Variants in UBE2E2 observed in about 807,000 individuals in gnomAD.
UBE2E2 encodes ubiquitin-conjugating enzyme E2 E2.
Under a neutral mutation model 24.7 loss-of-function variants are expected in UBE2E2, and 6 were observed. That is an observed-to-expected ratio of 0.24 (90% CI 0.13 to 0.48). UBE2E2 has a LOEUF of 0.48. UBE2E2 is among the 20% of genes least tolerant of loss of function. The probability of loss-of-function intolerance (pLI) is 0.99; values close to 1 mark genes in which losing one functional copy is unlikely to be tolerated. For synonymous variants in UBE2E2, 104 were observed against 83.6 expected (o/e 1.24, Z -1.33); for missense variants, 169 against 245.0 (o/e 0.69, Z 2.07).
chr3:23,555,900 G>C (rs1695767647), intron 5 of UBE2E2, among the ~76,000 whole-genome samples: 1 of 152,078 alleles, frequency 6.6e-6, no homozygotes, highest in Admixed American at 6.6e-5. Context: ...AAAGATGTAG[G>C]TCAAAGGATA....
intron 3 of UBE2E2, among the ~76,000 whole-genome samples, chr3:23,468,939 T>A (rs1698977764): frequency 6.6e-6 from 1 of 152,354 alleles, no homozygotes; most frequent in South Asian, 2.1e-4. Context: ...AAAAAAACTC[T>A]GTGGATCTTA....
intron 4 of UBE2E2, among the ~76,000 whole-genome samples, chr3:23,532,239 G>T (rs1695140374): frequency 6.6e-6 from 1 of 152,052 alleles, no homozygotes; most frequent in African/African-American, 2.4e-5. Flanking sequence ...TTCTCCCCAT[G>T]AACATTCCTG....
intron 3 of UBE2E2, among the ~76,000 whole-genome samples, chr3:23,448,181 A>C (rs1481537220): frequency 6.6e-6 from 1 of 152,102 alleles, no homozygotes; most frequent in Non-Finnish European, 1.5e-5. Flanking sequence ...ATTTTGACTG[A>C]GTCTGTCGAG....
At chr3:23,319,482 A>G (rs1694683942) in intron 3 of UBE2E2, among the ~76,000 whole-genome samples, 1 of 152,056 alleles carries the variant, frequency 6.6e-6, no homozygotes, top group African/African-American at 2.4e-5. Flanking sequence ...TACTATTCTG[A>G]TTTCTTTTAT....
chr3:23,462,578 C>A (rs1191497508), intron 3 of UBE2E2, among the ~76,000 whole-genome samples: 1 of 152,108 alleles, frequency 6.6e-6, no homozygotes, highest in African/African-American at 2.4e-5. Flanking sequence ...AGGCACCAGT[C>A]TAGGCAGACA....
chr3:23,484,273 C>G (rs1055974081), intron 3 of UBE2E2, among the ~76,000 whole-genome samples: 6 of 152,308 alleles, frequency 3.9e-5, no homozygotes, highest in South Asian at 2.1e-4. Context: ...TTTTATGAAG[C>G]CTTTCCCTGG....
chr3:23,237,187 T>G (rs1697135030), intron 3 of UBE2E2, among the ~76,000 whole-genome samples: 1 of 152,180 alleles, frequency 6.6e-6, no homozygotes, highest in Non-Finnish European at 1.5e-5. Context: ...GCCTGGCATA[T>G]AAGGGCTCAA....
chr3:23,340,518 A>G (rs1208875531), intron 3 of UBE2E2, among the ~76,000 whole-genome samples: 1 of 151,882 alleles, frequency 6.6e-6, no homozygotes, highest in Non-Finnish European at 1.5e-5. Context: ...GTGCTTAACT[A>G]CACTAAAATA....
intron 3 of UBE2E2, among the ~76,000 whole-genome samples, chr3:23,241,085 C>T (rs1697248158): frequency 1.3e-5 from 2 of 152,174 alleles, no homozygotes; most frequent in African/African-American, 4.8e-5. Flanking sequence ...GCTTCCCCTC[C>T]CAAATCTGCT....
At chr3:23,264,703 T>G (rs1697996792) in intron 3 of UBE2E2, among the ~76,000 whole-genome samples, 2 of 152,232 alleles carry the variant, frequency 1.3e-5, no homozygotes, top group Non-Finnish European at 1.5e-5. Flanking sequence ...GGATGGCCTG[T>G]ACATTTGCCA....
chr3:23,329,624 C>T (rs1452609094), intron 3 of UBE2E2, among the ~76,000 whole-genome samples: 2 of 152,238 alleles, frequency 1.3e-5, no homozygotes, highest in Non-Finnish European at 2.9e-5. Context: ...GAGCCGGTGG[C>T]TCAGACTGGC....
intron 5 of UBE2E2, among the ~76,000 whole-genome samples, chr3:23,563,873 G>A (rs988314983): frequency 1.8e-4 from 28 of 151,968 alleles, no homozygotes; most frequent in African/African-American, 6.8e-4. Context: ...GCCTAAGACA[G>A]TATAGCATGT....
At chr3:23,316,761 C>G (rs1216795186) in intron 3 of UBE2E2, among the ~76,000 whole-genome samples, 21 of 152,064 alleles carry the variant, frequency 1.4e-4, no homozygotes, top group Admixed American at 1.4e-3. Context: ...ACGGCATGTA[C>G]TACCTTGGCT....
intron 3 of UBE2E2, among the ~76,000 whole-genome samples, chr3:23,229,976 C>T (rs978056095): frequency 1.1e-4 from 16 of 152,014 alleles, no homozygotes; most frequent in African/African-American, 3.9e-4. Flanking sequence ...GAGTAAACTA[C>T]GAGGTCATTT....
At chr3:23,244,430 T>A (rs2125340549) in intron 3 of UBE2E2, among the ~76,000 whole-genome samples, 1 of 152,300 alleles carries the variant, frequency 6.6e-6, no homozygotes, top group Non-Finnish European at 1.5e-5. Flanking sequence ...TTTTCTGTAT[T>A]TGTGTGCTTT....
At chr3:23,389,163 A>T (rs1390858483) in intron 3 of UBE2E2, among the ~76,000 whole-genome samples, 1 of 152,178 alleles carries the variant, frequency 6.6e-6, no homozygotes, top group African/African-American at 2.4e-5. Context: ...ACAATAATCT[A>T]TGTTTTTTTG....
intron 3 of UBE2E2, among the ~76,000 whole-genome samples, chr3:23,221,362 G>A (rs963820175): frequency 7.2e-5 from 11 of 151,996 alleles, no homozygotes; most frequent in Admixed American, 2.6e-4. Context: ...GTATAGTCTC[G>A]GAGTTTTGTA....
At chr3:23,486,986 C>T (rs1354280057) in intron 3 of UBE2E2, among the ~76,000 whole-genome samples, 1 of 152,220 alleles carries the variant, frequency 6.6e-6, no homozygotes, top group African/African-American at 2.4e-5. Context: ...ACCTGTCTGC[C>T]TCCCACCACC....
At chr3:23,438,772 C>T (rs1462720349) in intron 3 of UBE2E2, among the ~76,000 whole-genome samples, 1 of 152,148 alleles carries the variant, frequency 6.6e-6, no homozygotes, top group Non-Finnish European at 1.5e-5. Context: ...AGAAACTTAA[C>T]ATAGTTCATA....
Sources: gnomAD v4.1 joint callset for allele counts (sites outside exome capture counted in the v4.1 genomes callset) on GRCh38, gnomAD v4.1.1 for gene constraint, MANE v1.5 for transcripts, NCBI Gene and HGNC (gene_info 2026-07-23, HGNC 2026-07-21) for gene names.